Variants in PCDHGA4 observed in about 807,000 individuals in gnomAD.
PCDHGA4 encodes the protein protocadherin gamma subfamily A, 4, also known as protocadherin gamma-A4.
In PCDHGA4, 38 loss-of-function variants were observed where a neutral mutation model predicts 54.6. The ratio of observed to expected loss-of-function variants is 0.70; its 90% CI spans 0.54 to 0.91. PCDHGA4 has a LOEUF of 0.91. PCDHGA4 is among the 40% of genes least tolerant of loss of function. The pLI, the probability that PCDHGA4 is intolerant of heterozygous loss-of-function variation, is 0.00. For synonymous variants in PCDHGA4, 511 were observed against 512.9 expected, an observed-to-expected ratio of 1.00 and a Z score of 0.05; for missense variants, 1,298 against 1,220.9, an observed-to-expected ratio of 1.06 and a Z score of -0.94.
intron 1 of PCDHGA4, among the ~76,000 whole-genome samples, chr5:141,407,392 A>G (rs1427023659): frequency 6.6e-6 from 1 of 152,226 alleles, no homozygotes; most frequent in Non-Finnish European, 1.5e-5. Flanking sequence ...ATGTCATGGT[A>G]GGTAGTTACT....
Position 141,427,133 on chromosome 5 carries a change from A to AGAT in PCDHGA4, c.2515-67670_2515-67668dup, listed in dbSNP as rs370316028. 2.9e-4 allele frequency: 134 copies of AGAT among 457,190 alleles called. 1 individual carries two copies. The highest frequency in any genetic ancestry group is 2.4e-3 in the African/African-American group (123 of 50,216). The allele number at this position is 457,190 out of a possible 1,614,324, so 28.3% of individuals were successfully genotyped here. On this transcript the variant is annotated intron_variant, in intron 1 of 3. Transcript: ENST00000571252. ...TCACCTACTCTTTCAAATCCCTACG[A>AGAT]GATGATATTGGAAATATGTTTGTGC...
At chr5:141,422,705 C>T (rs371027437) in intron 1 of PCDHGA4, 2 of 1,602,706 alleles carry the variant, frequency 1.2e-6, no homozygotes, top group South Asian at 1.1e-5. Context: ...TACTCTCTGA[C>T]GGATGACACT....
At chr5:141,482,667 G>C (rs2099569914) in intron 1 of PCDHGA4, among the ~76,000 whole-genome samples, 1 of 151,094 alleles carries the variant, frequency 6.6e-6, no homozygotes, top group Admixed American at 6.6e-5. Context: ...ATGATCTAAA[G>C]GTTGAGTAGT....
intron 1 of PCDHGA4, chr5:141,367,582 AG>A (rs1765244187): frequency 6.6e-6 from 1 of 150,954 alleles, no homozygotes; most frequent in Non-Finnish European, 1.5e-5. Flanking sequence ...ATATCAGAAA[AG>A]TAGATAAAAT....
chr5:141,496,959 G>C (rs1451127360), intron 2 of PCDHGA4, among the ~76,000 whole-genome samples: 2 of 151,894 alleles, frequency 1.3e-5, no homozygotes, highest in Non-Finnish European at 2.9e-5. Flanking sequence ...GCCAAGGTGG[G>C]TAGATCACTT....
At chr5:141,510,028 C>A (rs962629835) in intron 3 of PCDHGA4, among the ~76,000 whole-genome samples, 1 of 152,164 alleles carries the variant, frequency 6.6e-6, no homozygotes, top group Non-Finnish European at 1.5e-5. Context: ...GCTGGCTGGG[C>A]TGTTATGTAG....
chr5:141,395,041 T>C (rs2093154278), intron 1 of PCDHGA4: 1 of 1,613,994 alleles, frequency 6.2e-7, no homozygotes, highest in South Asian at 1.1e-5. Flanking sequence ...TTTGTGGGTG[T>C]TGAGGAGGTA....
chr5:141,458,340 G>C (rs4551132), intron 1 of PCDHGA4, among the ~76,000 whole-genome samples: 42,372 of 151,882 alleles, frequency 0.28, 6,646 homozygotes, highest in African/African-American at 0.43. Context: ...TTTAAGGAGT[G>C]GAGAGTTTAA....
At chr5:141,478,500 T>G in intron 1 of PCDHGA4, 1 of 1,612,740 alleles carries the variant, frequency 6.2e-7, no homozygotes, top group Non-Finnish European at 8.5e-7. Flanking sequence ...TGTGATCCGG[T>G]GTTCTATAGG....
rs1192987646 is a variant in PCDHGA4, at chr5:141,423,758, G to A, written c.2514+66137G>A. Reference sequence around the variant, plus strand: ...CTGTTATGAAAACTGTTTGGGGGGGGGGTGGGGCGGCATATATTTAGTTCA... The same window carrying A: ...CTGTTATGAAAACTGTTTGGGGGGGAGGTGGGGCGGCATATATTTAGTTCA... On this transcript the variant is annotated intron_variant, in intron 1 of 3. Coordinates refer to ENST00000571252, the MANE Select transcript of PCDHGA4 (RefSeq NM_018917.4). 8.2e-5 allele frequency: 30 copies of A among 366,770 alleles called. 3 individuals are homozygous for A. Among genetic ancestry groups the A allele is most frequent in the Non-Finnish European group, 1.1e-4 (29 of 259,742 alleles). The allele number at this position is 366,770 out of a possible 1,614,324, so 22.7% of individuals were successfully genotyped here.
At chr5:141,465,162 G>A (rs1464525964) in intron 1 of PCDHGA4, among the ~76,000 whole-genome samples, 1 of 151,654 alleles carries the variant, frequency 6.6e-6, no homozygotes, top group Non-Finnish European at 1.5e-5. Context: ...GACTCTAAAT[G>A]TTTATGAAGA....
In PCDHGA4 at chr5:141,476,659, G is replaced by A; in HGVS notation, c.2515-18148G>A. On this transcript the variant is annotated intron_variant, in intron 1 of 3. Coordinates refer to ENST00000571252, the MANE Select transcript of PCDHGA4 (RefSeq NM_018917.4). The surrounding 1 kb of genome is among the most constrained non-coding windows in gnomAD (Gnocchi z 7.6). ...AGCTGAGCCGAAATGAATACTTTGC[G>A]CTTCGCGTGCAGACGCGGGAGGACA... 2 of 1,614,252 alleles carry A rather than the reference G, an allele frequency of 1.2e-6. No homozygotes were observed. Among genetic ancestry groups the A allele is most frequent in the Non-Finnish European group, 8.5e-7 (1 of 1,180,048 alleles).
Position 141,421,318 on chromosome 5 carries a change from C to T in PCDHGA4, c.2514+63697C>T, listed in dbSNP as rs370020854. 5.6e-6 allele frequency: 9 copies of T among 1,613,824 alleles called. No homozygotes were observed. In the East Asian group the frequency reaches 2.0e-4, roughly 36 times the overall value. On this transcript the variant is annotated intron_variant, in intron 1 of 3. Coordinates refer to ENST00000571252, the MANE Select transcript of PCDHGA4 (RefSeq NM_018917.4). ...GACGCTGCGGGGGTTCCGGGCCAGG[C>T]AGATCCGATATTCGGTGCCAGAAGA...
At chr5:141,419,449 C>T (rs780917543) in intron 1 of PCDHGA4, 5 of 1,612,958 alleles carry the variant, frequency 3.1e-6, no homozygotes, top group Non-Finnish European at 4.2e-6. Context: ...CCTTCGAGCT[C>T]ACGCTGCAGG....
At chr5:141,364,344 C>G (rs1588595185) in intron 1 of PCDHGA4, 1 of 1,542,476 alleles carries the variant, frequency 6.5e-7, no homozygotes, top group Non-Finnish European at 8.7e-7. Flanking sequence ...GCGAGTCCAC[C>G]TAGGGGCTGG....
chr5:141,456,700 C>G (rs1420857227), intron 1 of PCDHGA4, among the ~76,000 whole-genome samples: 2 of 152,060 alleles, frequency 1.3e-5, no homozygotes, highest in Admixed American at 1.3e-4. Flanking sequence ...CGTGGTGGCT[C>G]GCGCCTGTAA....
chr5:141,383,900 T>C (rs766644204), intron 1 of PCDHGA4: 6 of 1,613,976 alleles, frequency 3.7e-6, no homozygotes, highest in Non-Finnish European at 5.1e-6. Context: ...GCAAAAGTAC[T>C]GATCACAGTT....
At chr5:141,361,169 C>G in intron 1 of PCDHGA4, 2 of 1,613,908 alleles carry the variant, frequency 1.2e-6, no homozygotes, top group Non-Finnish European at 1.7e-6. Context: ...GATTGTGCAC[C>G]TGAAGTTATT....
At chr5:141,472,109 A>G (rs1353132107) in intron 1 of PCDHGA4, among the ~76,000 whole-genome samples, 2 of 152,234 alleles carry the variant, frequency 1.3e-5, no homozygotes, top group Non-Finnish European at 2.9e-5. Flanking sequence ...TTTTATACAT[A>G]AAGAAAATAA....
Sources: allele counts gnomAD v4.1 joint callset (sites outside exome capture counted in the v4.1 genomes callset), GRCh38; gene constraint gnomAD v4.1.1; non-coding constraint Gnocchi (gnomAD v3.1); transcripts MANE v1.5; gene names NCBI Gene and HGNC (gene_info 2026-07-23, HGNC 2026-07-21).